The following ZNF462 variants were observed in gnomAD, a reference collection of about 807,000 sequenced individuals.
ZNF462 encodes the protein zinc finger PBX1-interacting protein.
Under a neutral mutation model 201.9 loss-of-function variants are expected in ZNF462, and 10 were observed. The observed-to-expected ratio is 0.05, with a 90% CI of 0.03 to 0.08. The LOEUF is 0.08. Among genes scored for constraint, ZNF462 ranks in the 10% least tolerant of loss-of-function variants. The pLI, the probability that ZNF462 is intolerant of heterozygous loss-of-function variation, is 1.00. For synonymous variants in ZNF462, 1,227 were observed against 1,193.3 expected (o/e 1.03, Z -0.58); for missense variants, 2,523 against 3,168.3 (o/e 0.80, Z 4.89).
Position 106,927,121 on chromosome 9 carries a change from T to A in ZNF462, c.3209T>A (p.Val1070Glu). Reference sequence around the variant, plus strand: ...AGGATCCAGAAAACTATGCGAATGGTGTCTGTGGACAGGGGCTCTGCCCTT... The same window carrying A: ...AGGATCCAGAAAACTATGCGAATGGAGTCTGTGGACAGGGGCTCTGCCCTT... ...YFRIQKTMRM[V>E]SVDRGSALSQ... Residue 1070 changes from valine to glutamate, a missense_variant, in exon 3 of 13, where the codon GTG becomes GAG. Around this residue, in one of 15 missense-constraint regions of ZNF462, gnomAD observed 280 missense variants for 321.3 expected, o/e 0.87. Transcript: ENST00000277225. 6.2e-7 allele frequency: 1 copy of A among 1,614,182 alleles called. No homozygotes were observed. Among genetic ancestry groups the A allele is most frequent in the Non-Finnish European group, 8.5e-7 (1 of 1,180,030 alleles).
chr9:106,926,412 A>C lies in ZNF462; in HGVS notation c.2500A>C (p.Thr834Pro). 1 of 1,614,248 alleles carries C rather than the reference A, an allele frequency of 6.2e-7. No homozygotes were observed. Among genetic ancestry groups the C allele is most frequent in the South Asian group, 1.1e-5 (1 of 91,086 alleles). ...IYGTEHNSENTDFGDSGRLYY... is the reference protein window; with the variant it reads ...IYGTEHNSENPDFGDSGRLYY... ...TGGGACTGAGCACAATAGTGAAAACACAGACTTTGGTGACTCTGGAAGGCT... is the reference window on the plus strand; with the variant it reads ...TGGGACTGAGCACAATAGTGAAAACCCAGACTTTGGTGACTCTGGAAGGCT... Residue 834 changes from threonine (T) to proline (P), a missense_variant, in exon 3 of 13, where the codon ACA (threonine) becomes CCA (proline). Physicochemically the swap from Thr to Pro is conservative, Grantham distance 38. Around this residue, in one of 15 missense-constraint regions of ZNF462, gnomAD observed 383 missense variants for 453.4 expected, o/e 0.84. Coordinates refer to ENST00000277225, the MANE Select transcript of ZNF462 (RefSeq NM_021224.6). The surrounding 1 kb of genome is among the most constrained non-coding windows in gnomAD (Gnocchi z 7.9).
rs1397125267 is a variant in ZNF462 at position 106,938,737 on chromosome 9, A to G, written c.6236-179A>G. The stretch of plus-strand genomic sequence containing the variant: ...TTCTGGAGCTCATGGAAGAGTTTCA[A>G]CTCCAAAGGAGTACTGTGGTTGTGG... On this transcript the variant is annotated intron_variant, in intron 6 of 12. Transcript: ENST00000277225. The surrounding 1 kb of genome is among the most constrained non-coding windows in gnomAD (Gnocchi z 4.4). 2.0e-5 allele frequency among the ~76,000 whole-genome samples: 3 copies of G among 152,120 alleles called. No individual in the cohort carries two copies. The highest frequency in any genetic ancestry group is 2.4e-5 in the African/African-American group (1 of 41,422).
intron 6 of ZNF462, among the ~76,000 whole-genome samples, chr9:106,936,580 T>TA (rs1830641688): frequency 1.3e-5 from 2 of 152,222 alleles, no homozygotes; most frequent in South Asian, 4.1e-4. Context: ...AAGTTAGCTA[T>TA]AGGGGCTTTT....
At chr9:106,969,054 T>G (rs1832209736) in intron 7 of ZNF462, among the ~76,000 whole-genome samples, 1 of 152,188 alleles carries the variant, frequency 6.6e-6, no homozygotes, top group African/African-American at 2.4e-5. Flanking sequence ...AAATCCTACA[T>G]TATTCACAAA....
rs776862166 is a variant in ZNF462 at position 106,925,177 on chromosome 9, A to C, written c.1265A>C (p.Asn422Thr). The change falls in exon 3 of 13, where the codon AAC becomes ACC. Residue 422 changes from asparagine (N) to threonine (T), a missense_variant. Coordinates refer to ENST00000277225, the MANE Select transcript of ZNF462 (RefSeq NM_021224.6). This position sits in a 1 kb window ranked among gnomAD's most constrained non-coding sequence, Gnocchi z 7.9. ...SAEQLMGSDG[N>T]KLLETKGIPF... is the part of the protein sequence containing the mutation. ...GAGCAGCTGATGGGCTCAGATGGCAACAAATTATTGGAGACCAAGGGGATT... is the reference window on the plus strand; with the variant it reads ...GAGCAGCTGATGGGCTCAGATGGCACCAAATTATTGGAGACCAAGGGGATT... The C allele has an allele frequency of 7.4e-6, 12 of 1,614,242 alleles. No homozygotes were observed. The highest frequency in any genetic ancestry group is 1.3e-5 in the African/African-American group (1 of 75,062).
At chr9:107,007,503 C>G (rs1362741730) in intron 11 of ZNF462, among the ~76,000 whole-genome samples, 1 of 152,190 alleles carries the variant, frequency 6.6e-6, no homozygotes, top group Non-Finnish European at 1.5e-5. Flanking sequence ...GCACGTATTC[C>G]TCTCAGAGGG....
chr9:106,984,528 G>A lies in ZNF462; in HGVS notation c.7056+119G>A, dbSNP rs1353109975. Reference sequence around the variant, plus strand: ...CCAGATGGAGATGTGGACTCAAAGAGCTTTTAAAGTGAGGTCTAGTTTCTT... The same window carrying A: ...CCAGATGGAGATGTGGACTCAAAGAACTTTTAAAGTGAGGTCTAGTTTCTT... On this transcript the variant is annotated intron_variant, in intron 10 of 12. Coordinates refer to ENST00000277225, the MANE Select transcript of ZNF462 (RefSeq NM_021224.6). This position sits in a 1 kb window ranked among gnomAD's most constrained non-coding sequence, Gnocchi z 6.4. 2 of 785,068 alleles carry A rather than the reference G, an allele frequency of 2.5e-6. No individual in the cohort carries two copies. The highest frequency in any genetic ancestry group is 4.0e-6 in the Non-Finnish European group (2 of 500,848). The allele number at this position is 785,068 out of a possible 1,614,324, so 48.6% of individuals were successfully genotyped here.
intron 9 of ZNF462, among the ~76,000 whole-genome samples, chr9:106,980,655 C>T (rs1428658128): frequency 6.6e-6 from 1 of 152,162 alleles, no homozygotes; most frequent in Non-Finnish European, 1.5e-5. Flanking sequence ...ACTCTCGGGC[C>T]CAACCTCTTC....
intron 1 of ZNF462, among the ~76,000 whole-genome samples, chr9:106,892,803 C>CAG (rs1828646065): frequency 6.6e-6 from 1 of 152,114 alleles, no homozygotes. Flanking sequence ...CTTGCTAACC[C>CAG]AGAGACTTGA....
chr9:106,934,527 G>A (rs1166032018), intron 5 of ZNF462, among the ~76,000 whole-genome samples: 1 of 152,190 alleles, frequency 6.6e-6, no homozygotes, highest in Non-Finnish European at 1.5e-5. Flanking sequence ...AGGAAATGAA[G>A]AAGAGAATTT....
chr9:106,879,202 G>A (rs1827973993), intron 1 of ZNF462, among the ~76,000 whole-genome samples: 1 of 152,110 alleles, frequency 6.6e-6, no homozygotes, highest in Admixed American at 6.5e-5. Context: ...TAATTCAGCT[G>A]GGCAAGCAGC....
intron 7 of ZNF462, among the ~76,000 whole-genome samples, chr9:106,969,840 C>G (rs2132012844): frequency 6.6e-6 from 1 of 152,252 alleles, no homozygotes; most frequent in Admixed American, 6.5e-5. Context: ...TTCTGCAGAG[C>G]TAAGAGTGCA....
rs74901771 is a variant in ZNF462, at chr9:106,869,408, A to G, written c.-31+6053A>G. 5.8e-3 allele frequency among the ~76,000 whole-genome samples: 881 copies of G among 152,332 alleles called. 6 individuals are homozygous for G. Among genetic ancestry groups the G allele is most frequent in the African/African-American group, 0.02 (843 of 41,570 alleles). On this transcript the variant is annotated intron_variant, in intron 1 of 12. Transcript: ENST00000277225. The stretch of plus-strand genomic sequence containing the variant: ...CTTTTAACAACACAGACATTTAACC[A>G]TGAGCAATGGGACAGTCCTGTAAGG...
intron 10 of ZNF462, among the ~76,000 whole-genome samples, chr9:107,000,481 CTTCCTT>C (rs1829102162): frequency 6.6e-6 from 1 of 152,024 alleles, no homozygotes; most frequent in South Asian, 2.1e-4. Context: ...GGAAAAGAGT[CTTCCTT>C]TTGTGTTAGG....
At position 106,928,916 on chromosome 9, in the gene ZNF462, C is replaced by G. The variant is rs1830314503; in HGVS notation, c.5004C>G (p.Phe1668Leu). The stretch of plus-strand genomic sequence containing the variant: ...TCCGGTGCCAGCTCTGCAAGTACTT[C>G]TGCTCCACGAGGAAGGGGATCGCCA... ...TVFRCQLCKY[F>L]CSTRKGIARH... Residue 1668 changes from phenylalanine (F) to leucine (L), a missense_variant, in exon 3 of 13, where the codon TTC (phenylalanine) becomes TTG (leucine). This residue lies in a region of ZNF462 where 200 missense variants were observed against 281.3 expected (regional missense o/e 0.71). Transcript: ENST00000277225. This position sits in a 1 kb window ranked among gnomAD's most constrained non-coding sequence, Gnocchi z 9.3. 4.3e-6 allele frequency: 7 copies of G among 1,614,002 alleles called. No homozygotes were observed. Among genetic ancestry groups the G allele is most frequent in the Non-Finnish European group, 2.5e-6 (3 of 1,180,052 alleles).
chr9:106,862,594 A>ACCACCTCCTCCTCCTCTGCCGCCG (rs1457540074), upstream of ZNF462, among the ~76,000 whole-genome samples: 5 of 148,556 alleles, frequency 3.4e-5, no homozygotes, highest in Non-Finnish European at 6.0e-5. This position sits in a 1 kb window ranked among gnomAD's most constrained non-coding sequence, Gnocchi z 4.2. Flanking sequence ...CTCCTCCACC[A>ACCACCTCCTCCTCCTCTGCCGCCG]CCACCTCCTC....
chr9:106,999,323 G>A, intron 10 of ZNF462, among the ~76,000 whole-genome samples: 1 of 152,042 alleles, frequency 6.6e-6, no homozygotes, highest in African/African-American at 2.4e-5. Flanking sequence ...AAAATATATG[G>A]GAACTTTTAT....
chr9:106,904,262 T>C (rs1829175792), intron 1 of ZNF462, among the ~76,000 whole-genome samples: 1 of 152,196 alleles, frequency 6.6e-6, no homozygotes, highest in African/African-American at 2.4e-5. Flanking sequence ...AGGTCCCCAA[T>C]CCCTTCTAGC....
intron 1 of ZNF462, among the ~76,000 whole-genome samples, chr9:106,893,285 C>A (rs374079524): frequency 6.6e-5 from 10 of 152,168 alleles, no homozygotes; most frequent in African/African-American, 2.4e-4. Context: ...TCCAGTACAC[C>A]ATGGATGACT....
Sources: gnomAD v4.1 joint callset for allele counts (sites outside exome capture counted in the v4.1 genomes callset) on GRCh38, gnomAD v4.1.1 for gene constraint, gnomAD v4.1.1 regional missense constraint, Gnocchi (gnomAD v3.1) non-coding constraint, MANE v1.5 for transcripts, NCBI Gene and HGNC (gene_info 2026-07-23, HGNC 2026-07-21) for gene names.